The following PARP4 variants were observed in gnomAD, a reference collection of about 807,000 sequenced individuals.
The protein encoded by PARP4 is protein mono-ADP-ribosyltransferase PARP4.
In PARP4, 120 loss-of-function variants were observed where a neutral mutation model predicts 187.7. The ratio of observed to expected loss-of-function variants is 0.64; its 90% CI spans 0.55 to 0.74. PARP4 has a LOEUF of 0.74. PARP4 is among the 30% of genes least tolerant of loss of function. The probability of loss-of-function intolerance (pLI) is 0.00; values close to 1 mark genes in which losing one functional copy is unlikely to be tolerated. For missense variants in PARP4, 1,836 were observed against 2,070.5 expected (o/e 0.89, Z 2.20); for synonymous variants, 654 against 740.9 (o/e 0.88, Z 1.90).
intron 9 of PARP4, among the ~76,000 whole-genome samples, chr13:24,491,850 T>C (rs779737729): frequency 9.2e-5 from 14 of 152,208 alleles, no homozygotes; most frequent in Non-Finnish European, 1.8e-4. Flanking sequence ...CAGAGAAATA[T>C]GAGTCTGCCA....
intron 1 of PARP4, among the ~76,000 whole-genome samples, chr13:24,512,495 G>A (rs948792223): frequency 3.9e-5 from 6 of 152,208 alleles, no homozygotes; most frequent in Non-Finnish European, 8.8e-5. Flanking sequence ...GCTGCGCCGC[G>A]GGGCAGAGCG....
intron 33 of PARP4, among the ~76,000 whole-genome samples, chr13:24,422,835 T>G (rs564663697): frequency 6.6e-6 from 1 of 152,174 alleles, no homozygotes; most frequent in East Asian, 1.9e-4. Flanking sequence ...TCTCAATCTC[T>G]TAACCTTGTG....
chr13:24,434,076 T>G (rs1451699172), intron 31 of PARP4, among the ~76,000 whole-genome samples: 1 of 152,194 alleles, frequency 6.6e-6, no homozygotes, highest in East Asian at 1.9e-4. Flanking sequence ...TCTAGGAAAT[T>G]AAGATCTCAC....
At chr13:24,430,478 C>A (rs192291346) in intron 32 of PARP4, among the ~76,000 whole-genome samples, 1 of 151,978 alleles carries the variant, frequency 6.6e-6, no homozygotes, top group African/African-American at 2.4e-5. Context: ...CATGGCAAAA[C>A]CCCATCTCTA....
chr13:24,479,706 CA>C, intron 12 of PARP4, among the ~76,000 whole-genome samples: 2 of 152,302 alleles, frequency 1.3e-5, no homozygotes, highest in East Asian at 3.9e-4. Flanking sequence ...CCTACTCTAC[CA>C]ATCAGCAGGA....
intron 12 of PARP4, among the ~76,000 whole-genome samples, chr13:24,479,450 G>A (rs1164011532): frequency 3.9e-5 from 6 of 152,148 alleles, no homozygotes; most frequent in Non-Finnish European, 7.4e-5. Context: ...CCTGAGTCTG[G>A]TGGGGACGTG....
chr13:24,434,609 C>T lies in PARP4; in HGVS notation c.4532G>A (p.Ser1511Asn). The T allele has an allele frequency of 6.2e-7, 1 of 1,612,016 alleles. No homozygotes were observed. The highest frequency in any genetic ancestry group is 1.1e-5 in the South Asian group (1 of 90,970). The change falls in exon 31 of 34, where the codon AGT (serine) becomes AAT (asparagine). Residue 1511 changes from serine (S) to asparagine (N), a missense_variant. Around this residue, in one of 8 missense-constraint regions of PARP4, gnomAD observed 450 missense variants for 439.2 expected, o/e 1.02. Transcript: ENST00000381989. Reference protein sequence around the residue: ...LEESVGSLEGSRCPVFAFQSS... With the variant: ...LEESVGSLEGNRCPVFAFQSS... ...TTGAAAAGCAAAGACAGGACATCGA[C>T]TTCCTTCGAGACTGCCTACTGATTC...
At position 24,434,937 on chromosome 13, in the gene PARP4, A is replaced by G. The variant is rs1419491717; in HGVS notation, c.4204T>C (p.Ser1402Pro). The stretch of plus-strand genomic sequence containing the variant: ...TGTGCAGAGCTTAATGAGCTCCCTG[A>G]AAAAACAATGCCACAATAGGGTGAA... ...PSSPYCGIVF[S>P]GSSLSSAQSA... The change falls in exon 31 of 34, where the codon TCA (serine) becomes CCA (proline). Residue 1402 changes from serine (S) to proline (P), a missense_variant. By Grantham distance (74) the Ser-to-Pro change is moderately conservative. Transcript: ENST00000381989. 1.2e-6 allele frequency: 2 copies of G among 1,613,866 alleles called. No homozygotes were observed. Among genetic ancestry groups the G allele is most frequent in the African/African-American group, 2.7e-5 (2 of 74,910 alleles).
Position 24,434,566 on chromosome 13 carries a change from A to C in PARP4, c.4575T>G (p.Ser1525Arg), listed in dbSNP as rs754081645. The C allele has an allele frequency of 5.6e-6, 9 of 1,613,138 alleles. No homozygotes were observed. The African/African-American group carries it at 1.2e-4, about 22-fold the overall frequency. ...VFAFQSSDTE[S>R]DELSEVLQDS... ...CTTGAAGTACTTCTGATAGCTCATC[A>C]CTTTCTGTGTCAGAACTTTGAAAAG... The change falls in exon 31 of 34, where the codon AGT becomes AGG. Residue 1525 changes from serine (S) to arginine (R), a missense_variant. This residue lies in a region of PARP4 where 450 missense variants were observed against 439.2 expected (regional missense o/e 1.02). Transcript: ENST00000381989.
chr13:24,446,560 G>A, intron 27 of PARP4, 121 bp downstream of exon 27: 1 of 670,718 alleles, frequency 1.5e-6, no homozygotes, highest in Non-Finnish European at 2.6e-6. Context: ...ATTTGTATTG[G>A]GCTGCATTCA....
Position 24,453,435 on chromosome 13 carries a change from AT to A in PARP4, c.2826+151del. 1.3e-5 allele frequency: 6 copies of A among 463,584 alleles called. No homozygotes were observed. The East Asian group carries it at 2.1e-4, about 16-fold the overall frequency. The allele number at this position is 463,584 out of a possible 1,614,324, so 28.7% of individuals were successfully genotyped here. On this transcript the variant is annotated intron_variant, in intron 23 of 33. Transcript: ENST00000381989. ...TCCAATTTTTCCTTAATGAGTTATC[AT>A]TTTAATTAATGAAATAAAGAGCCCA...
intron 6 of PARP4, among the ~76,000 whole-genome samples, chr13:24,495,218 G>A (rs766879160): frequency 6.6e-6 from 1 of 152,186 alleles, no homozygotes; most frequent in Non-Finnish European, 1.5e-5. Context: ...CCTGGAGGTA[G>A]AGGGGAAAAA....
intron 17 of PARP4, among the ~76,000 whole-genome samples, chr13:24,461,569 G>A (rs545489757): frequency 6.6e-6 from 1 of 152,278 alleles, no homozygotes; most frequent in South Asian, 2.1e-4. Context: ...AGAAGAATTG[G>A]GAGCTCCTGA....
At chr13:24,452,717 A>G (rs1871591858) in intron 23 of PARP4, 124 bp from the exon 24 acceptor site, 1 of 694,844 alleles carries the variant, frequency 1.4e-6, no homozygotes, top group Non-Finnish European at 2.4e-6. Flanking sequence ...TTCTTTCCCT[A>G]ATTTGTGAAA....
intron 24 of PARP4, among the ~76,000 whole-genome samples, chr13:24,450,154 C>G (rs1186072116): frequency 6.6e-5 from 10 of 152,026 alleles, no homozygotes; most frequent in Non-Finnish European, 1.3e-4. Flanking sequence ...ACTTAATTTC[C>G]ATAAATAACA....
chr13:24,457,176 ATAT>A (rs1328976517), intron 20 of PARP4, among the ~76,000 whole-genome samples: 1 of 152,222 alleles, frequency 6.6e-6, no homozygotes, highest in Non-Finnish European at 1.5e-5. Context: ...ACTTATTTGT[ATAT>A]TATATTTTCA....
At chr13:24,498,972 C>T (rs1869117501) in intron 5 of PARP4, among the ~76,000 whole-genome samples, 1 of 152,038 alleles carries the variant, frequency 6.6e-6, no homozygotes, top group Non-Finnish European at 1.5e-5. Flanking sequence ...AAAATTTAAA[C>T]TTTAAATTCT....
chr13:24,479,509 CCT>C (rs1231261119), intron 12 of PARP4, among the ~76,000 whole-genome samples: 1 of 152,150 alleles, frequency 6.6e-6, no homozygotes, highest in African/African-American at 2.4e-5. Context: ...CAATCAGCAC[CCT>C]GTGTCTAGCT....
intron 12 of PARP4, among the ~76,000 whole-genome samples, chr13:24,483,462 C>T (rs565007269): frequency 2.6e-5 from 3 of 117,382 alleles, no homozygotes; most frequent in South Asian, 3.5e-4. Context: ...GTCCGCAGTC[C>T]GGCCTGGGCG....
Sources: gnomAD v4.1 joint callset for allele counts (sites outside exome capture counted in the v4.1 genomes callset) on GRCh38, gnomAD v4.1.1 for gene constraint, gnomAD v4.1.1 regional missense constraint, MANE v1.5 for transcripts, NCBI Gene and HGNC (gene_info 2026-07-23, HGNC 2026-07-21) for gene names.